CRYBG2: variants seen among roughly 807,000 people sequenced by gnomAD.
CRYBG2 encodes beta/gamma crystallin domain-containing protein 2.
CRYBG2 carries 106 observed loss-of-function variants against 153.4 expected under a neutral mutation model. The ratio of observed to expected loss-of-function variants is 0.69; its 90% confidence interval spans 0.59 to 0.81. The LOEUF (loss-of-function observed/expected upper bound fraction) is 0.81, where lower values mean the gene tolerates loss of function less well. Among genes scored for constraint, CRYBG2 ranks in the 30% least tolerant of loss-of-function variants. CRYBG2 has a pLI of 0.00. For missense variants in CRYBG2, 1,996 were observed against 2,112.0 expected (o/e 0.95, Z 1.08); for synonymous variants, 851 against 877.8 (o/e 0.97, Z 0.54).
chr1:26,321,895 G>A lies in CRYBG2; in HGVS notation c.*73C>T. 1.5e-6 allele frequency: 2 copies of A among 1,315,298 alleles called. No individual in the cohort carries two copies. Among genetic ancestry groups the A allele is most frequent in the Non-Finnish European group, 2.1e-6 (2 of 975,000 alleles). 81.5% of individuals were successfully genotyped at this position (1,315,298 alleles called of 1,614,324 possible). A position where few individuals can be genotyped will look rare whatever the true frequency, so the allele number is the denominator to read the frequency against. On this transcript the variant is annotated 3_prime_UTR_variant, in exon 20 of 20. Transcript: ENST00000308182. The stretch of plus-strand genomic sequence containing the variant: ...GGCAGCATATTAGAAAATAGCTTAT[G>A]TTACAACAAAAACCCTATAAAAACA...
chr1:26,322,718 GTA>G (rs1395174598), intron 18 of CRYBG2, among the ~76,000 whole-genome samples: 1 of 152,112 alleles, frequency 6.6e-6, no homozygotes, highest in Non-Finnish European at 1.5e-5. Flanking sequence ...CTGCCCCACG[GTA>G]CTCTAGACTA....
chr1:26,322,602 A>G (rs955754940), intron 18 of CRYBG2, among the ~76,000 whole-genome samples: 15 of 152,374 alleles, frequency 9.8e-5, no homozygotes, highest in Middle Eastern at 3.4e-3. Flanking sequence ...AGGCTTTAGC[A>G]TCAGACAAAT....
chr1:26,328,907 T>C, intron 15 of CRYBG2, 34 bp from the exon 16 acceptor site: 1 of 1,611,504 alleles, frequency 6.2e-7, no homozygotes, highest in Non-Finnish European at 8.5e-7. Flanking sequence ...GGTGAGGCTC[T>C]GAGAGCCCAA....
intron 1 of CRYBG2, among the ~76,000 whole-genome samples, chr1:26,352,545 ACTT>A (rs1414511843): frequency 6.6e-6 from 1 of 151,928 alleles, no homozygotes; most frequent in African/African-American, 2.4e-5. Flanking sequence ...GCTATGTCTC[ACTT>A]CTTCTCGACT....
chr1:26,343,621 C>T lies in CRYBG2; in HGVS notation c.2913+124G>A. On this transcript the variant is annotated intron_variant, in intron 2 of 19. Coordinates refer to ENST00000308182, the MANE Select transcript of CRYBG2 (RefSeq NM_001039775.4). The surrounding 1 kb of genome is among the most constrained non-coding windows in gnomAD (Gnocchi z 4.1). ...ATGTGGCTTGCACAGGTCAACTGAA[C>T]CAGACTTCAGACAGAAGCCTCTGCC... 1 of 1,267,098 alleles carries T rather than the reference C, an allele frequency of 7.9e-7. No homozygotes were observed. The highest frequency in any genetic ancestry group is 1.1e-6 in the Non-Finnish European group (1 of 950,896). 78.5% of individuals were successfully genotyped at this position (1,267,098 alleles called of 1,614,324 possible).
chr1:26,345,170 C>T lies in CRYBG2; in HGVS notation c.1488G>A (p.Glu496=). Residue 496 remains glutamate (E), a synonymous_variant, in exon 2 of 20, where the codon GAG becomes GAA. Transcript: ENST00000308182. Reference sequence around the variant, plus strand: ...CAGGAGCACCAGGGCCCTTCACGACCTCTTTCCAGGTGGGGGACGAGGCAG... The same window carrying T: ...CAGGAGCACCAGGGCCCTTCACGACTTCTTTCCAGGTGGGGGACGAGGCAG... The part of the protein sequence containing the change: ...ASAASSPTWK[E]VVKGPGAPAA... The T allele has an allele frequency of 7.0e-7, 1 of 1,420,690 alleles. No homozygotes were observed. Among genetic ancestry groups the T allele is most frequent in the South Asian group, 1.3e-5 (1 of 78,316 alleles). 88.0% of individuals were successfully genotyped at this position (1,420,690 alleles called of 1,614,324 possible). A position where few individuals can be genotyped will look rare whatever the true frequency, so the allele number is the denominator to read the frequency against.
chr1:26,328,913 C>T (rs768248462), intron 15 of CRYBG2, 40 bp from the exon 16 acceptor site: 70 of 1,609,666 alleles, frequency 4.3e-5, no homozygotes, highest in Non-Finnish European at 5.8e-5. Context: ...GCTCTGAGAG[C>T]CCAAGTCCCA....
chr1:26,332,306 C>CAAAAAAAAAA (rs567865951), intron 14 of CRYBG2, among the ~76,000 whole-genome samples: 1 of 71,464 alleles, frequency 1.4e-5, no homozygotes, highest in African/African-American at 6.0e-5. Flanking sequence ...GACTCCGTGT[C>CAAAAAAAAAA]AAAAAAAAAA....
Position 26,345,498 on chromosome 1 carries a change from A to C in CRYBG2, c.1160T>G (p.Val387Gly). ...THPGARLTPL[V>G]LPPKKKDGPV... ...CCCGTCCTTTTTTTTAGGGGGCAGAACAAGGGGAGTGAGCCGGGCCCCGGG... is the reference window on the plus strand; with the variant it reads ...CCCGTCCTTTTTTTTAGGGGGCAGACCAAGGGGAGTGAGCCGGGCCCCGGG... Residue 387 changes from valine (V) to glycine (G), a missense_variant, in exon 2 of 20, where the codon GTT (valine) becomes GGT (glycine). Coordinates refer to ENST00000308182, the MANE Select transcript of CRYBG2 (RefSeq NM_001039775.4). 1 of 1,593,594 alleles carries C rather than the reference A, an allele frequency of 6.3e-7. No homozygotes were observed. The highest frequency in any genetic ancestry group is 1.3e-5 in the African/African-American group (1 of 74,560).
At chr1:26,324,084 G>A in intron 18 of CRYBG2, 68 bp downstream of exon 18, 1 of 1,531,464 alleles carries the variant, frequency 6.5e-7, no homozygotes, top group Admixed American at 1.8e-5. Flanking sequence ...ATTGGGCTGG[G>A]ACTCCCCAGA....
In CRYBG2 at chr1:26,344,217, C is replaced by A. The variant is rs1334631426; in HGVS notation, c.2441G>T (p.Gly814Val). The change falls in exon 2 of 20, where the codon GGC (glycine) becomes GTC (valine). Residue 814 changes from glycine to valine, a missense_variant. Gly to Val is a moderately radical substitution (Grantham distance 109). Transcript: ENST00000308182. ...TGAAGGCACCTCCTGGGGTCCGGGGCCCAGCACCCATGGCCCCAGCTGGTC... is the reference window on the plus strand; with the variant it reads ...TGAAGGCACCTCCTGGGGTCCGGGGACCAGCACCCATGGCCCCAGCTGGTC... ...EEDQLGPWVL[G>V]PGPQEVPSLE... 6.5e-7 allele frequency: 1 copy of A among 1,535,654 alleles called. No homozygotes were observed. Among genetic ancestry groups the A allele is most frequent in the African/African-American group, 1.4e-5 (1 of 73,150 alleles).
At chr1:26,350,554 A>G (rs2124063640) in intron 1 of CRYBG2, among the ~76,000 whole-genome samples, 1 of 152,320 alleles carries the variant, frequency 6.6e-6, no homozygotes, top group South Asian at 2.1e-4. Flanking sequence ...AAACTTGTCC[A>G]AAGTCACAGA....
chr1:26,322,262 A>G lies in CRYBG2; in HGVS notation c.4799T>C (p.Leu1600Pro). The G allele has an allele frequency of 1.2e-6, 2 of 1,614,056 alleles. No homozygotes were observed. The highest frequency in any genetic ancestry group is 2.2e-5 in the East Asian group (1 of 44,884). Residue 1600 changes from leucine to proline, a missense_variant, in exon 19 of 20, where the codon CTG (leucine) becomes CCG (proline). Coordinates refer to ENST00000308182, the MANE Select transcript of CRYBG2 (RefSeq NM_001039775.4). Reference sequence around the variant, plus strand: ...GCGCGGCAGGCGGCTCTCGGCCCACAGCACCACCTTGGAGCCTGGGCTAGG... The same window carrying G: ...GCGCGGCAGGCGGCTCTCGGCCCACGGCACCACCTTGGAGCCTGGGCTAGG... ...GPPSPGSKVVLWAESRLPRQT... is the reference protein window; with the variant it reads ...GPPSPGSKVVPWAESRLPRQT...
intron 17 of CRYBG2, chr1:26,327,166 T>G (rs2073934996): frequency 4.1e-6 from 1 of 241,490 alleles, no homozygotes; most frequent in Non-Finnish European, 8.6e-6. Context: ...AAACCCCATC[T>G]CTACTAAAAA....
Position 26,336,634 on chromosome 1 carries a change from G to A in CRYBG2, c.4010C>T (p.Thr1337Ile). The change falls in exon 12 of 20, where the codon ACC (threonine) becomes ATC (isoleucine). Residue 1337 changes from threonine (T) to isoleucine (I), a missense_variant. Transcript: ENST00000308182. This position sits in a 1 kb window ranked among gnomAD's most constrained non-coding sequence, Gnocchi z 4.9. ...TAGGACCGGCTGCAGCGAGGCGAGGGTGCTGTTGCCAGCGCCCCAGTCCTC... is the reference window on the plus strand; with the variant it reads ...TAGGACCGGCTGCAGCGAGGCGAGGATGCTGTTGCCAGCGCCCCAGTCCTC... ...NCEDWGAGNS[T>I]LASLQPVLQV... is the part of the protein sequence containing the mutation. 6.4e-7 allele frequency: 1 copy of A among 1,550,666 alleles called. No homozygotes were observed.
At chr1:26,335,411 A>C (rs1206786794) in intron 14 of CRYBG2, among the ~76,000 whole-genome samples, 1 of 152,062 alleles carries the variant, frequency 6.6e-6, no homozygotes, top group African/African-American at 2.4e-5. Context: ...TGGGAGGCGG[A>C]GGTTGCGGTG....
At position 26,324,160 on chromosome 1, in the gene CRYBG2, TCAG is replaced by T. The variant is rs1387335613; in HGVS notation, c.4726_4728del (p.Leu1576del). ...AGCCCCTGTATCAGTACCTGGTTCT[TCAG>T]CAGCCCATCCTCGTAGTACCAGATG... On this transcript the variant is annotated inframe_deletion, in exon 18 of 20. Coordinates refer to ENST00000308182, the MANE Select transcript of CRYBG2 (RefSeq NM_001039775.4). 6.2e-7 allele frequency: 1 copy of T among 1,613,486 alleles called. No homozygotes were observed. Among genetic ancestry groups the T allele is most frequent in the Non-Finnish European group, 8.5e-7 (1 of 1,179,854 alleles).
chr1:26,347,688 C>T (rs576824789), intron 1 of CRYBG2, among the ~76,000 whole-genome samples: 1 of 151,926 alleles, frequency 6.6e-6, no homozygotes. Context: ...GACGGGGTTT[C>T]GCCGTGTTAG....
At chr1:26,340,689 C>T (rs895112834) in intron 5 of CRYBG2, among the ~76,000 whole-genome samples, 2 of 152,042 alleles carry the variant, frequency 1.3e-5, no homozygotes, top group East Asian at 1.9e-4. Context: ...CTTGGCTCAC[C>T]GAAACCTCTG....
Sources: allele counts gnomAD v4.1 joint callset (sites outside exome capture counted in the v4.1 genomes callset), GRCh38; gene constraint gnomAD v4.1.1; non-coding constraint Gnocchi (gnomAD v3.1); transcripts MANE v1.5; gene names NCBI Gene and HGNC (gene_info 2026-07-23, HGNC 2026-07-21).